The following BBOX1 variants were observed in gnomAD, a reference collection of about 807,000 sequenced individuals.
BBOX1 encodes the protein gamma-butyrobetaine hydroxylase 1, also known as gamma-butyrobetaine dioxygenase.
In BBOX1, 35 loss-of-function variants were observed where a neutral mutation model predicts 41.6. The ratio of observed to expected loss-of-function variants is 0.84; its 90% CI spans 0.64 to 1.11. BBOX1 has a LOEUF of 1.11. Ranked by LOEUF, BBOX1 falls within the 50% of genes most tolerant of loss-of-function variation. The pLI is 0.00. For missense variants in BBOX1, 458 were observed against 460.6 expected (o/e 0.99, Z 0.05); for synonymous variants, 163 against 154.7 (o/e 1.05, Z -0.40).
At chr11:27,101,751 T>C (rs1360658341) in intron 5 of BBOX1, among the ~76,000 whole-genome samples, 2 of 152,152 alleles carry the variant, frequency 1.3e-5, no homozygotes, top group Non-Finnish European at 2.9e-5. Context: ...ACAAAAATTG[T>C]ATATATTTAC....
chr11:27,048,438 C>T (rs1851559657), intron 2 of BBOX1, among the ~76,000 whole-genome samples: 1 of 150,808 alleles, frequency 6.6e-6, no homozygotes, highest in South Asian at 2.1e-4. Flanking sequence ...CAGAATTTAC[C>T]TTCTTTTTTA....
At chr11:27,089,865 G>C (rs1858174576) in intron 4 of BBOX1, among the ~76,000 whole-genome samples, 1 of 151,964 alleles carries the variant, frequency 6.6e-6, no homozygotes, top group South Asian at 2.1e-4. Flanking sequence ...AAACCCAAAT[G>C]ACCTTTCTAG....
At chr11:27,067,310 C>T (rs1390605213) in intron 4 of BBOX1, among the ~76,000 whole-genome samples, 5 of 151,824 alleles carry the variant, frequency 3.3e-5, no homozygotes, top group Admixed American at 6.6e-5. Context: ...GAGGTTTTAG[C>T]GCACCCGTCA....
At chr11:27,119,913 G>T in intron 7 of BBOX1, 68 bp downstream of exon 7, 3 of 1,006,922 alleles carry the variant, frequency 3.0e-6, no homozygotes, top group Non-Finnish European at 4.0e-6. Context: ...CTAATCTAAA[G>T]TTTAAACAGC....
chr11:27,127,181 G>C (rs1331183550), intron 8 of BBOX1, 112 bp from the exon 9 acceptor site: 1 of 1,150,684 alleles, frequency 8.7e-7, no homozygotes, highest in African/African-American at 1.6e-5. Flanking sequence ...AGAAATAAGC[G>C]ATGATTCTTG....
At chr11:27,079,183 G>GA (rs1352871399) in intron 4 of BBOX1, among the ~76,000 whole-genome samples, 3 of 152,104 alleles carry the variant, frequency 2.0e-5, no homozygotes, top group African/African-American at 7.2e-5. Context: ...CAATTGCCAT[G>GA]AAAAAAACTT....
intron 4 of BBOX1, among the ~76,000 whole-genome samples, chr11:27,084,324 T>G (rs967599450): frequency 3.0e-4 from 46 of 152,132 alleles, no homozygotes; most frequent in Admixed American, 3.0e-3. Flanking sequence ...TGTTTCTGGA[T>G]AGACTGCCTC....
intron 2 of BBOX1, among the ~76,000 whole-genome samples, chr11:27,045,861 A>G: frequency 6.6e-6 from 1 of 152,320 alleles, no homozygotes; most frequent in East Asian, 1.9e-4. Context: ...TTTATGTATA[A>G]TAACTATAAA....
intron 4 of BBOX1, among the ~76,000 whole-genome samples, chr11:27,080,062 T>A (rs1008709323): frequency 6.6e-6 from 1 of 152,128 alleles, no homozygotes; most frequent in Non-Finnish European, 1.5e-5. Context: ...TTAAAATCAT[T>A]TTCCATATGG....
chr11:27,086,238 G>T (rs895200173), intron 4 of BBOX1, among the ~76,000 whole-genome samples: 2 of 152,044 alleles, frequency 1.3e-5, no homozygotes, highest in Non-Finnish European at 1.5e-5. Flanking sequence ...TGGAAAAGAT[G>T]CCATCCAGGA....
At chr11:27,105,852 T>C (rs970646843) in intron 5 of BBOX1, among the ~76,000 whole-genome samples, 2 of 152,102 alleles carry the variant, frequency 1.3e-5, no homozygotes, top group African/African-American at 4.8e-5. Context: ...AAAGGTCGGG[T>C]TACCCACAAA....
chr11:27,121,383 T>C (rs1402723759), intron 7 of BBOX1, among the ~76,000 whole-genome samples: 1 of 152,204 alleles, frequency 6.6e-6, no homozygotes, highest in Non-Finnish European at 1.5e-5. Flanking sequence ...TGCAAGATCC[T>C]GATCAAAGGA....
At chr11:27,071,273 T>G (rs913890610) in intron 4 of BBOX1, among the ~76,000 whole-genome samples, 7 of 151,426 alleles carry the variant, frequency 4.6e-5, no homozygotes, top group African/African-American at 1.5e-4. Context: ...TCCCAGCTAC[T>G]AGGGAGGCTG....
At position 27,061,560 on chromosome 11, in the gene BBOX1, A is replaced by G. The variant is rs539822852; in HGVS notation, c.334+4245A>G. On this transcript the variant is annotated intron_variant, in intron 4 of 8. Coordinates refer to ENST00000263182, the MANE Select transcript of BBOX1 (RefSeq NM_003986.3). Reference sequence around the variant, plus strand: ...TTTTCAAACATTTATATTCCAGAGCATGCAAACAAACTCAGTTACATTTGT... The same window carrying G: ...TTTTCAAACATTTATATTCCAGAGCGTGCAAACAAACTCAGTTACATTTGT... Among the ~76,000 whole-genome samples, 13 of 152,326 alleles carry G rather than the reference A, an allele frequency of 8.5e-5. No homozygotes were observed. In the East Asian group the frequency reaches 2.5e-3, roughly 29 times the overall value.
chr11:27,047,985 T>C (rs998586178), intron 2 of BBOX1, among the ~76,000 whole-genome samples: 7 of 152,168 alleles, frequency 4.6e-5, no homozygotes, highest in African/African-American at 7.2e-5. Context: ...TTTATTGAGG[T>C]AAATTGACAA....
intron 5 of BBOX1, among the ~76,000 whole-genome samples, chr11:27,100,415 G>T (rs1564980022): frequency 6.6e-6 from 1 of 152,100 alleles, no homozygotes; most frequent in Non-Finnish European, 1.5e-5. Flanking sequence ...AACTTGAGAA[G>T]AAGACAAAGA....
intron 2 of BBOX1, among the ~76,000 whole-genome samples, chr11:27,048,728 G>T (rs1269170603): frequency 6.8e-6 from 1 of 147,124 alleles, no homozygotes; most frequent in Non-Finnish European, 1.5e-5. Context: ...GGCCAGTAAT[G>T]ATACTGCTGG....
intron 5 of BBOX1, among the ~76,000 whole-genome samples, chr11:27,114,682 A>T (rs910544230): frequency 4.6e-5 from 7 of 151,606 alleles, no homozygotes; most frequent in South Asian, 2.1e-4. Flanking sequence ...GTTCTGAGGC[A>T]ACTGAATACC....
chr11:27,052,414 T>C (rs1369938409), intron 2 of BBOX1, among the ~76,000 whole-genome samples: 3 of 152,064 alleles, frequency 2.0e-5, no homozygotes, highest in Non-Finnish European at 2.9e-5. Context: ...TCAAATCTGC[T>C]ACCTGAAAAA....
Sources: gnomAD v4.1 joint callset for allele counts (sites outside exome capture counted in the v4.1 genomes callset) on GRCh38, gnomAD v4.1.1 for gene constraint, MANE v1.5 for transcripts, NCBI Gene and HGNC (gene_info 2026-07-23, HGNC 2026-07-21) for gene names.